The following ANKS1B variants were observed in gnomAD, a reference collection of about 807,000 sequenced individuals.
The protein encoded by ANKS1B is ankyrin repeat and sterile alpha motif domain containing 1B.
ANKS1B carries 36 observed loss-of-function variants against 148.3 expected under a neutral mutation model. The ratio of observed to expected loss-of-function variants is 0.24; its 90% CI spans 0.19 to 0.32. The LOEUF (loss-of-function observed/expected upper bound fraction) is 0.32. ANKS1B is among the 10% of genes least tolerant of loss of function. The pLI is 1.00. For missense variants in ANKS1B, 1,157 were observed against 1,542.6 expected (o/e 0.75, Z 4.19); for synonymous variants, 542 against 560.8 (o/e 0.97, Z 0.47).
intron 24 of ANKS1B, among the ~76,000 whole-genome samples, chr12:98,779,214 T>C (rs1357270176): frequency 1.3e-5 from 2 of 152,246 alleles, no homozygotes; most frequent in Non-Finnish European, 1.5e-5. Flanking sequence ...CAGAGGTTTA[T>C]GGTTAACTCA....
chr12:99,467,331 C>T (rs971962621), intron 10 of ANKS1B, among the ~76,000 whole-genome samples: 2 of 152,078 alleles, frequency 1.3e-5, no homozygotes, highest in South Asian at 2.1e-4. Flanking sequence ...ACAGCCAATA[C>T]CATACTGAAT....
At chr12:99,625,092 T>C (rs1012178027) in intron 9 of ANKS1B, among the ~76,000 whole-genome samples, 12 of 152,144 alleles carry the variant, frequency 7.9e-5, no homozygotes, top group African/African-American at 2.7e-4. Flanking sequence ...ATCATGTCCT[T>C]TGCAGAAACA....
At chr12:98,863,920 C>T (rs550615517) in intron 17 of ANKS1B, among the ~76,000 whole-genome samples, 2 of 152,312 alleles carry the variant, frequency 1.3e-5, no homozygotes, top group Non-Finnish European at 2.9e-5. Context: ...TACTTACACA[C>T]GCATACGTGG....
chr12:99,250,591 G>A (rs1384427265), intron 12 of ANKS1B, among the ~76,000 whole-genome samples: 1 of 152,190 alleles, frequency 6.6e-6, no homozygotes, highest in Non-Finnish European at 1.5e-5. Context: ...GCATCAGCAA[G>A]CACAGCTAAG....
intron 17 of ANKS1B, among the ~76,000 whole-genome samples, chr12:98,846,766 A>G (rs985796825): frequency 6.6e-6 from 1 of 152,070 alleles, no homozygotes; most frequent in Non-Finnish European, 1.5e-5. Flanking sequence ...CTCATCTTCT[A>G]CTCTTTCGAG....
At chr12:99,944,865 CAAG>C (rs2095020780) in intron 1 of ANKS1B, among the ~76,000 whole-genome samples, 1 of 152,044 alleles carries the variant, frequency 6.6e-6, no homozygotes, top group African/African-American at 2.4e-5. Context: ...GTGAAAAACT[CAAG>C]AAGAAGCTGG....
chr12:98,960,764 A>G (rs1192875572), intron 17 of ANKS1B, among the ~76,000 whole-genome samples: 2 of 152,216 alleles, frequency 1.3e-5, no homozygotes, highest in African/African-American at 2.4e-5. Context: ...AAGATAACAT[A>G]GAGAAGGAAT....
chr12:99,941,005 C>T (rs2094905799), intron 1 of ANKS1B, among the ~76,000 whole-genome samples: 1 of 152,118 alleles, frequency 6.6e-6, no homozygotes, highest in Non-Finnish European at 1.5e-5. Flanking sequence ...TGTCTCTCTT[C>T]CTCAATAGAT....
chr12:99,714,784 T>C (rs950750277), intron 8 of ANKS1B, among the ~76,000 whole-genome samples: 68 of 152,092 alleles, frequency 4.5e-4, no homozygotes, highest in Non-Finnish European at 7.6e-4. Flanking sequence ...TAATGGCTTC[T>C]ACTGTTCCAG....
At chr12:98,905,044 A>G (rs1438839407) in intron 17 of ANKS1B, among the ~76,000 whole-genome samples, 1 of 152,186 alleles carries the variant, frequency 6.6e-6, no homozygotes, top group African/African-American at 2.4e-5. Flanking sequence ...TAAGGTGACA[A>G]AATACATTGA....
In ANKS1B at chr12:99,892,618, A is replaced by T. The variant is rs759657386; in HGVS notation, c.135-67229T>A. On this transcript the variant is annotated intron_variant, in intron 1 of 26. Coordinates refer to ENST00000683438, the MANE Select transcript of ANKS1B (RefSeq NM_001352186.2). ...GGCATCAGGTACATCTCTGGAGATAAGTTTGAAGGTGGAACTGAACACCAA... is the reference window on the plus strand; with the variant it reads ...GGCATCAGGTACATCTCTGGAGATATGTTTGAAGGTGGAACTGAACACCAA... Among the ~76,000 whole-genome samples, 75 of 152,208 alleles carry T rather than the reference A, an allele frequency of 4.9e-4. 2 individuals are homozygous for T. The highest frequency in any genetic ancestry group is 1.2e-3 in the Admixed American group (18 of 15,284).
chr12:99,887,374 G>A (rs79222628), intron 1 of ANKS1B, among the ~76,000 whole-genome samples: 11,887 of 152,238 alleles, frequency 0.078, 547 homozygotes, highest in South Asian at 0.12. Flanking sequence ...ATGTTGAAAT[G>A]ACTATGGGTT....
chr12:99,471,663 C>A (rs1864921936), intron 10 of ANKS1B, among the ~76,000 whole-genome samples: 1 of 151,912 alleles, frequency 6.6e-6, no homozygotes. Context: ...CACACACACA[C>A]ACACACATAC....
intron 1 of ANKS1B, among the ~76,000 whole-genome samples, chr12:99,883,745 GTC>G (rs902023950): frequency 6.6e-6 from 1 of 151,992 alleles, no homozygotes; most frequent in Non-Finnish European, 1.5e-5. Flanking sequence ...GTGAAACCTC[GTC>G]TCTATTAAAA....
intron 1 of ANKS1B, among the ~76,000 whole-genome samples, chr12:99,965,482 T>A (rs2095473907): frequency 1.3e-5 from 2 of 152,132 alleles, no homozygotes; most frequent in Admixed American, 1.3e-4. Flanking sequence ...GGGAAAAAGG[T>A]AATTATATAT....
chr12:99,809,449 T>C (rs1030037636), intron 3 of ANKS1B, among the ~76,000 whole-genome samples: 1 of 150,652 alleles, frequency 6.6e-6, no homozygotes, highest in Non-Finnish European at 1.5e-5. Flanking sequence ...AAATTGAAAA[T>C]TTTCAATTTA....
chr12:99,600,285 C>T (rs1263945295), intron 9 of ANKS1B, among the ~76,000 whole-genome samples: 3 of 151,726 alleles, frequency 2.0e-5, no homozygotes, highest in African/African-American at 4.8e-5. Context: ...TAATATTAAC[C>T]CTCTAGGGAA....
intron 17 of ANKS1B, among the ~76,000 whole-genome samples, chr12:98,923,684 A>G (rs2099804377): frequency 6.6e-6 from 1 of 152,142 alleles, no homozygotes; most frequent in Admixed American, 6.5e-5. Context: ...GCTGCTTCCC[A>G]CCACCAGTCA....
chr12:99,964,908 A>G (rs997644174), intron 1 of ANKS1B, among the ~76,000 whole-genome samples: 1 of 152,200 alleles, frequency 6.6e-6, no homozygotes, highest in South Asian at 2.1e-4. Context: ...AGTGGAGAGG[A>G]GATTGATAGC....
Sources: allele counts gnomAD v4.1 joint callset (sites outside exome capture counted in the v4.1 genomes callset), GRCh38; gene constraint gnomAD v4.1.1; transcripts MANE v1.5; gene names NCBI Gene and HGNC (gene_info 2026-07-23, HGNC 2026-07-21).